Variants in PCDHA7 observed in about 807,000 individuals in gnomAD.
PCDHA7 encodes the protein protocadherin alpha 7.
PCDHA7 carries 37 observed loss-of-function variants against 57.2 expected under a neutral mutation model. The observed-to-expected ratio is 0.65, with a 90% CI of 0.50 to 0.85. The LOEUF (loss-of-function observed/expected upper bound fraction) is 0.85. PCDHA7 is among the 40% of genes least tolerant of loss of function. The pLI, the probability that PCDHA7 is intolerant of heterozygous loss-of-function variation, is 0.00. For synonymous variants in PCDHA7, 553 were observed against 558.8 expected (o/e 0.99, Z 0.15); for missense variants, 1,188 against 1,241.8 (o/e 0.96, Z 0.65).
At chr5:140,953,900 C>G (rs1040959969) in intron 1 of PCDHA7, among the ~76,000 whole-genome samples, 4 of 152,126 alleles carry the variant, frequency 2.6e-5, no homozygotes, top group Non-Finnish European at 5.9e-5. Context: ...GTATTAAGCC[C>G]AGCATCCATT....
intron 1 of PCDHA7, among the ~76,000 whole-genome samples, chr5:140,924,901 AAAAATAAAATAAAAT>A (rs10667761): frequency 2.0e-3 from 158 of 80,494 alleles, no homozygotes; most frequent in African/African-American, 5.2e-3. Context: ...TCTCAAAAAA[AAAAATAAAATAAAAT>A]AAAATAAAAT....
chr5:140,955,832 G>A (rs2095230258), intron 1 of PCDHA7, among the ~76,000 whole-genome samples: 1 of 152,132 alleles, frequency 6.6e-6, no homozygotes, highest in South Asian at 2.1e-4. Flanking sequence ...TTGAGCAGTG[G>A]TTTGTCATTC....
At chr5:140,871,283 C>G in intron 1 of PCDHA7, 4 of 1,613,936 alleles carry the variant, frequency 2.5e-6, no homozygotes, top group Non-Finnish European at 3.4e-6. Flanking sequence ...GCAACGCCCA[C>G]TGAGGGCGCG....
intron 1 of PCDHA7, among the ~76,000 whole-genome samples, chr5:140,957,575 T>C (rs1437290620): frequency 6.6e-6 from 1 of 152,152 alleles, no homozygotes; most frequent in African/African-American, 2.4e-5. Flanking sequence ...ACTACTGTAC[T>C]TTTAACAAAG....
chr5:141,010,938 A>G lies in PCDHA7; in HGVS notation c.*1001A>G, dbSNP rs1210392691. ...TCAAAAGAGAATTCAGTCTACAGCC[A>G]TTTAAATGATCATTGCTGCTACAGA... On this transcript the variant is annotated 3_prime_UTR_variant, in exon 4 of 4. Coordinates refer to ENST00000525929, the MANE Select transcript of PCDHA7 (RefSeq NM_018910.3). 6 of 153,824 alleles carry G rather than the reference A, an allele frequency of 3.9e-5. No homozygotes were observed. Among genetic ancestry groups the G allele is most frequent in the African/African-American group, 1.4e-4 (6 of 41,470 alleles). The allele number at this position is 153,824 out of a possible 1,614,324, so 9.5% of individuals were successfully genotyped here. A position where few individuals can be genotyped will look rare whatever the true frequency, so the allele number is the denominator to read the frequency against.
intron 1 of PCDHA7, among the ~76,000 whole-genome samples, chr5:140,844,874 A>G (rs1300687011): frequency 6.7e-6 from 1 of 149,392 alleles, no homozygotes; most frequent in Non-Finnish European, 1.5e-5. Context: ...TTAAATACCC[A>G]TTAGACTTCG....
intron 2 of PCDHA7, 171 bp from the exon 3 acceptor site, chr5:140,982,304 C>G: frequency 8.0e-7 from 1 of 1,244,768 alleles, no homozygotes. Context: ...AGCAATGCTT[C>G]TGCAGTTTAT....
intron 1 of PCDHA7, chr5:140,928,375 T>C: frequency 6.2e-7 from 1 of 1,614,184 alleles, no homozygotes. Context: ...GCCATCAGCC[T>C]CTAGCTTGCT....
At chr5:140,893,336 A>G (rs2063930718) in intron 1 of PCDHA7, among the ~76,000 whole-genome samples, 1 of 152,098 alleles carries the variant, frequency 6.6e-6, no homozygotes, top group Admixed American at 6.6e-5. Context: ...TGTTTTCCTT[A>G]GTGGCAGTGC....
At chr5:140,858,308 C>T in intron 1 of PCDHA7, 1 of 1,597,268 alleles carries the variant, frequency 6.3e-7, no homozygotes, top group Non-Finnish European at 8.6e-7. Context: ...GCAGAGGCGG[C>T]AGAGGGTGTG....
chr5:140,873,933 T>C (rs1347981327), intron 1 of PCDHA7, among the ~76,000 whole-genome samples: 3 of 152,228 alleles, frequency 2.0e-5, no homozygotes. Context: ...AGTGCTGGGA[T>C]TACAGGTGTA....
intron 1 of PCDHA7, chr5:140,927,270 C>A (rs541200655): frequency 1.2e-6 from 2 of 1,614,034 alleles, no homozygotes; most frequent in Non-Finnish European, 1.7e-6. Context: ...TCTTTCCTGC[C>A]GGCGACGTGC....
Position 141,010,550 on chromosome 5 carries a change from ACC to A in PCDHA7, c.*617_*618del. 3.2e-6 allele frequency: 1 copy of A among 316,712 alleles called. No individual in the cohort carries two copies. The highest frequency in any genetic ancestry group is 5.8e-6 in the Non-Finnish European group (1 of 172,196). The allele number at this position is 316,712 out of a possible 1,614,324, so 19.6% of individuals were successfully genotyped here. ...CAGCCACCCTCTAGGAGACAAAACT[ACC>A]CCCACTGACAAGGCTTTAGGAGACC... On this transcript the variant is annotated 3_prime_UTR_variant, in exon 4 of 4. Transcript: ENST00000525929.
chr5:140,893,862 C>T (rs1376548113), intron 1 of PCDHA7, among the ~76,000 whole-genome samples: 1 of 152,158 alleles, frequency 6.6e-6, no homozygotes, highest in East Asian at 1.9e-4. Flanking sequence ...TGTATAGAAA[C>T]AACCCAGATC....
intron 1 of PCDHA7, chr5:140,865,130 T>G (rs1221612986): frequency 3.3e-5 from 5 of 152,216 alleles, no homozygotes; most frequent in African/African-American, 1.2e-4. Flanking sequence ...TAATTATACC[T>G]TAGAATTTAA....
chr5:140,920,039 G>A (rs185914290), intron 1 of PCDHA7, among the ~76,000 whole-genome samples: 1 of 152,280 alleles, frequency 6.6e-6, no homozygotes, highest in Non-Finnish European at 1.5e-5. Flanking sequence ...TTGGAGTGAT[G>A]TCAACAGCCA....
chr5:140,926,141 A>T (rs2082938262), intron 1 of PCDHA7, among the ~76,000 whole-genome samples: 1 of 152,038 alleles, frequency 6.6e-6, no homozygotes, highest in Non-Finnish European at 1.5e-5. Context: ...AGCAGGATCC[A>T]GCGCGGAAAG....
intron 1 of PCDHA7, chr5:140,884,510 T>G: frequency 6.2e-7 from 1 of 1,613,982 alleles, no homozygotes; most frequent in Non-Finnish European, 8.5e-7. Flanking sequence ...GGCAGGGAGT[T>G]GGTCGTACTC....
At chr5:140,881,046 T>C (rs1554171694) in intron 1 of PCDHA7, among the ~76,000 whole-genome samples, 1 of 152,238 alleles carries the variant, frequency 6.6e-6, no homozygotes, top group African/African-American at 2.4e-5. Context: ...TATAGAGTTG[T>C]GCACAGAACA....
Sources: allele counts gnomAD v4.1 joint callset (sites outside exome capture counted in the v4.1 genomes callset), GRCh38; gene constraint gnomAD v4.1.1; transcripts MANE v1.5; gene names NCBI Gene and HGNC (gene_info 2026-07-23, HGNC 2026-07-21).